Variants in SYT1 observed in about 807,000 individuals in gnomAD.
SYT1 encodes synaptotagmin 1.
Under a neutral mutation model 44.8 loss-of-function variants are expected in SYT1, and 8 were observed. That is an observed-to-expected ratio of 0.18 (90% CI 0.10 to 0.32). The LOEUF (loss-of-function observed/expected upper bound fraction) is 0.32, where lower values mean the gene tolerates loss of function less well. Ranked by LOEUF, SYT1 falls within the 10% of genes least tolerant of loss-of-function variation. The probability of loss-of-function intolerance (pLI) is 1.00; values close to 1 mark genes in which losing one functional copy is unlikely to be tolerated. For missense variants in SYT1, 286 were observed against 509.3 expected (o/e 0.56, Z 4.22); for synonymous variants, 154 against 188.8 (o/e 0.82, Z 1.51).
intron 4 of SYT1, among the ~76,000 whole-genome samples, chr12:79,237,371 C>T (rs1280204248): frequency 6.6e-6 from 1 of 151,942 alleles, no homozygotes; most frequent in Non-Finnish European, 1.5e-5. Context: ...AGTAAGACTA[C>T]ACAGAGGGGG....
chr12:79,262,780 A>G (rs1475954715), intron 4 of SYT1, among the ~76,000 whole-genome samples: 1 of 152,212 alleles, frequency 6.6e-6, no homozygotes, highest in Non-Finnish European at 1.5e-5. Context: ...TGTGCTGATC[A>G]GAGACATTCA....
intron 3 of SYT1, among the ~76,000 whole-genome samples, chr12:79,148,515 C>T (rs183003326): frequency 3.5e-4 from 53 of 152,076 alleles, no homozygotes; most frequent in Non-Finnish European, 6.6e-4. Context: ...ACATGCTTCA[C>T]GGTAAATTAT....
intron 3 of SYT1, among the ~76,000 whole-genome samples, chr12:79,108,726 G>A (rs1878852002): frequency 6.6e-6 from 1 of 152,148 alleles, no homozygotes; most frequent in African/African-American, 2.4e-5. Context: ...TATGTTTTAT[G>A]TAAATGCAGC....
At position 78,894,330 on chromosome 12, in the gene SYT1, G is replaced by GTTTTTTTTTT. The variant is rs566175647; in HGVS notation, c.-217+29247_-217+29256dup. ...AATTTATGATTGTGTTTTTTAATCT[G>GTTTTTTTTTT]TTTTTTTTTTTTTTTTTTTTTTTTT... On this transcript the variant is annotated intron_variant, in intron 1 of 10. Coordinates refer to ENST00000261205, the MANE Select transcript of SYT1 (RefSeq NM_005639.3). Among the ~76,000 whole-genome samples the GTTTTTTTTTT allele has an allele frequency of 1.3e-3, 36 of 27,728 alleles. 8 individuals are homozygous for GTTTTTTTTTT. The highest frequency in any genetic ancestry group is 5.3e-3 in the East Asian group (3 of 564). The allele number at this position is 27,728 out of a possible 152,430, so 18.2% of individuals were successfully genotyped here.
At chr12:79,351,787 C>A (rs1882914453) in intron 8 of SYT1, among the ~76,000 whole-genome samples, 1 of 152,036 alleles carries the variant, frequency 6.6e-6, no homozygotes, top group East Asian at 1.9e-4. Context: ...AGAAGTAACT[C>A]TTTATTATTT....
At chr12:79,157,585 G>A (rs1870678693) in intron 3 of SYT1, among the ~76,000 whole-genome samples, 1 of 152,050 alleles carries the variant, frequency 6.6e-6, no homozygotes, top group Admixed American at 6.5e-5. Flanking sequence ...TGGTTTGATG[G>A]TACTGTTCAT....
intron 2 of SYT1, among the ~76,000 whole-genome samples, chr12:78,989,482 C>T (rs996854778): frequency 6.6e-6 from 1 of 152,070 alleles, no homozygotes; most frequent in Non-Finnish European, 1.5e-5. Context: ...GCCTAGCCCC[C>T]CCGTTCCCAG....
At chr12:79,069,757 C>T (rs902555317) in intron 3 of SYT1, among the ~76,000 whole-genome samples, 4 of 151,990 alleles carry the variant, frequency 2.6e-5, no homozygotes, top group African/African-American at 9.7e-5. Context: ...GTCCTCTTGG[C>T]AAACATAACT....
chr12:79,024,027 C>T (rs972623521), intron 2 of SYT1, among the ~76,000 whole-genome samples: 1 of 151,760 alleles, frequency 6.6e-6, no homozygotes, highest in Non-Finnish European at 1.5e-5. Context: ...TTCTTCGCAA[C>T]ACTGCCTGGA....
intron 1 of SYT1, among the ~76,000 whole-genome samples, chr12:78,971,785 A>T (rs1269863421): frequency 6.6e-6 from 1 of 152,144 alleles, no homozygotes; most frequent in East Asian, 1.9e-4. Flanking sequence ...CTTTTCACTG[A>T]CTAGACTGAG....
chr12:78,915,524 A>G (rs2137142765), intron 1 of SYT1, among the ~76,000 whole-genome samples: 1 of 152,186 alleles, frequency 6.6e-6, no homozygotes, highest in East Asian at 1.9e-4. Flanking sequence ...AAATTTCAAA[A>G]TGATAATTTC....
At chr12:79,058,307 T>C (rs2137828672) in intron 3 of SYT1, among the ~76,000 whole-genome samples, 1 of 152,274 alleles carries the variant, frequency 6.6e-6, no homozygotes, top group Admixed American at 6.5e-5. Context: ...GCATTGGTTA[T>C]GGTGACTGTG....
At chr12:79,217,191 G>A (rs1026953890) in intron 3 of SYT1, among the ~76,000 whole-genome samples, 12 of 152,092 alleles carry the variant, frequency 7.9e-5, no homozygotes, top group African/African-American at 2.9e-4. Context: ...TAAGATATGG[G>A]TTAAAAGTTA....
chr12:79,201,259 G>C (rs1005172883), intron 3 of SYT1, among the ~76,000 whole-genome samples: 5 of 152,120 alleles, frequency 3.3e-5, no homozygotes, highest in African/African-American at 1.2e-4. Flanking sequence ...GAGCCAATGA[G>C]AGATTCTAGC....
At chr12:79,064,849 C>T (rs1188983630) in intron 3 of SYT1, among the ~76,000 whole-genome samples, 1 of 151,550 alleles carries the variant, frequency 6.6e-6, no homozygotes, top group Non-Finnish European at 1.5e-5. Flanking sequence ...ACTCTTCTCT[C>T]TCCTGCTCCA....
rs71091653 is a variant in SYT1 at position 79,215,918 on chromosome 12, C to CTTTTTTTTTTTTT, written c.-17-1567_-17-1555dup. Among the ~76,000 whole-genome samples the CTTTTTTTTTTTTT allele has an allele frequency of 1.6e-4, 12 of 76,726 alleles. 1 individual carries two copies. Among genetic ancestry groups the CTTTTTTTTTTTTT allele is most frequent in the Non-Finnish European group, 2.7e-4 (12 of 43,894 alleles). 50.3% of individuals were successfully genotyped at this position (76,726 alleles called of 152,430 possible). On this transcript the variant is annotated intron_variant, in intron 3 of 10. Coordinates refer to ENST00000261205, the MANE Select transcript of SYT1 (RefSeq NM_005639.3). ...ACTCACAAATCGTTTGCATTTCTTT[C>CTTTTTTTTTTTTT]TTTTTTTTTTTTTTTTTTTTTTTTT...
chr12:79,178,955 G>GATATATCT (rs1380990050), intron 3 of SYT1, among the ~76,000 whole-genome samples: 5 of 47,456 alleles, frequency 1.1e-4, no homozygotes, highest in African/African-American at 3.8e-4. Context: ...TATAGATATA[G>GATATATCT]ATATAGATAT....
At chr12:78,963,765 G>C (rs1431367899) in intron 1 of SYT1, among the ~76,000 whole-genome samples, 1 of 152,002 alleles carries the variant, frequency 6.6e-6, no homozygotes, top group Non-Finnish European at 1.5e-5. Context: ...GCAAGAGGAG[G>C]CTTCTCAGAA....
intron 3 of SYT1, among the ~76,000 whole-genome samples, chr12:79,216,386 A>G (rs2138558651): frequency 6.6e-6 from 1 of 152,334 alleles, no homozygotes; most frequent in East Asian, 1.9e-4. Flanking sequence ...AATCATGCCC[A>G]TTCTTTCCTC....
Sources: gnomAD v4.1 joint callset for allele counts (sites outside exome capture counted in the v4.1 genomes callset) on GRCh38, gnomAD v4.1.1 for gene constraint, MANE v1.5 for transcripts, NCBI Gene and HGNC (gene_info 2026-07-23, HGNC 2026-07-21) for gene names.